ADCY9: variants seen among roughly 807,000 people sequenced by gnomAD.
The protein encoded by ADCY9 is adenylate cyclase 9.
A neutral mutation model predicts 101.5 loss-of-function variants in ADCY9; 50 were observed. The ratio of observed to expected loss-of-function variants is 0.49; its 90% CI spans 0.39 to 0.62. The LOEUF (loss-of-function observed/expected upper bound fraction) is 0.62. ADCY9 is among the 20% of genes least tolerant of loss of function. ADCY9 has a pLI of 0.00. For synonymous variants in ADCY9, 905 were observed against 769.3 expected (o/e 1.18, Z -2.92); for missense variants, 1,662 against 1,800.4 (o/e 0.92, Z 1.39).
At chr16:4,014,939 CTTTTTT>C (rs578260761) in intron 2 of ADCY9, among the ~76,000 whole-genome samples, 7 of 93,240 alleles carry the variant, frequency 7.5e-5, no homozygotes, top group Non-Finnish European at 1.3e-4. Flanking sequence ...CTGTTTTGGC[CTTTTTT>C]TTTTTTTTTT....
chr16:4,110,720 G>A, intron 2 of ADCY9, among the ~76,000 whole-genome samples: 1 of 152,158 alleles, frequency 6.6e-6, no homozygotes. Flanking sequence ...ATTTCCTGTA[G>A]AGTAAAGGTA....
At chr16:3,997,351 G>A (rs1454423708) in intron 3 of ADCY9, among the ~76,000 whole-genome samples, 1 of 152,234 alleles carries the variant, frequency 6.6e-6, no homozygotes, top group Non-Finnish European at 1.5e-5. Context: ...TCCCTCAGAG[G>A]GGCTGGAAGG....
chr16:4,078,812 C>G (rs1421069090), intron 2 of ADCY9, among the ~76,000 whole-genome samples: 1 of 152,056 alleles, frequency 6.6e-6, no homozygotes, highest in African/African-American at 2.4e-5. Flanking sequence ...ATTTAAGATA[C>G]TTACATAAAT....
chr16:4,088,248 A>G (rs2141186509), intron 2 of ADCY9, among the ~76,000 whole-genome samples: 2 of 151,982 alleles, frequency 1.3e-5, no homozygotes, highest in Middle Eastern at 6.8e-3. Context: ...CACAACTCCT[A>G]AACTCACACA....
intron 8 of ADCY9, among the ~76,000 whole-genome samples, 179 bp from the exon 9 acceptor site, chr16:3,977,809 C>T (rs1043357419): frequency 1.3e-5 from 2 of 152,132 alleles, no homozygotes; most frequent in African/African-American, 2.4e-5. Flanking sequence ...CTCTGCCTTC[C>T]GGGTTCAAGT....
chr16:4,059,114 G>A (rs1020595716), intron 2 of ADCY9, among the ~76,000 whole-genome samples: 3 of 152,054 alleles, frequency 2.0e-5, no homozygotes, highest in Admixed American at 6.6e-5. Flanking sequence ...GGCCGTGCAC[G>A]ATGGCTCACG....
rs370525499 is a variant in ADCY9 at position 4,106,970 on chromosome 16, T to G, written c.1693+6780A>C. Among the ~76,000 whole-genome samples the G allele has an allele frequency of 1.4e-4, 21 of 152,294 alleles. No homozygotes were observed. In the East Asian group the frequency reaches 3.7e-3, roughly 27 times the overall value. On this transcript the variant is annotated intron_variant, in intron 2 of 10. Coordinates refer to ENST00000294016, the MANE Select transcript of ADCY9 (RefSeq NM_001116.4). ...CCTGAAAAGACAGCCCTCCCTTCCT[T>G]CTTCATCCCATTGGCAATTCAGCAA...
At chr16:3,988,669 G>A (rs1597148222) in intron 6 of ADCY9, among the ~76,000 whole-genome samples, 1 of 135,240 alleles carries the variant, frequency 7.4e-6, no homozygotes, top group African/African-American at 2.7e-5. Context: ...TCCTTCCAGG[G>A]CAGGTTGGGG....
chr16:4,075,974 C>T (rs2056864650), intron 2 of ADCY9, among the ~76,000 whole-genome samples: 1 of 152,110 alleles, frequency 6.6e-6, no homozygotes, highest in Non-Finnish European at 1.5e-5. Context: ...CTTTAAGTGA[C>T]AGATATCTAG....
At position 4,007,563 on chromosome 16, in the gene ADCY9, G is replaced by GAT. The variant is rs750862155; in HGVS notation, c.1694-7_1694-6dup. On this transcript the variant is annotated splice_polypyrimidine_tract_variant and splice_region_variant and intron_variant, in intron 2 of 10. Transcript: ENST00000294016. ...ATATCAGGTATGTCTTCAAACCTAT[G>GAT]ATGGATAAAAGTTACAGTCAGCACA... is the stretch of plus-strand genomic sequence containing the variant. The GAT allele has an allele frequency of 6.2e-7, 1 of 1,603,284 alleles. No homozygotes were observed. Among genetic ancestry groups the GAT allele is most frequent in the Non-Finnish European group, 8.5e-7 (1 of 1,175,718 alleles).
intron 2 of ADCY9, among the ~76,000 whole-genome samples, chr16:4,108,713 T>TC (rs2057095032): frequency 6.9e-6 from 1 of 145,936 alleles, no homozygotes; most frequent in African/African-American, 2.5e-5. Context: ...ACACTTTTTT[T>TC]TTTTTTTTTG....
At chr16:3,999,941 G>A (rs1296617798) in intron 3 of ADCY9, among the ~76,000 whole-genome samples, 1 of 152,180 alleles carries the variant, frequency 6.6e-6, no homozygotes, top group Non-Finnish European at 1.5e-5. Context: ...TAAGCCAACA[G>A]CTGTCCCTTT....
At chr16:4,099,659 C>A (rs1231257434) in intron 2 of ADCY9, among the ~76,000 whole-genome samples, 4 of 152,112 alleles carry the variant, frequency 2.6e-5, no homozygotes, top group Admixed American at 2.6e-4. Context: ...ATCTGAGCAT[C>A]AAAAATCATG....
At chr16:4,105,508 C>T (rs1460834140) in intron 2 of ADCY9, among the ~76,000 whole-genome samples, 1 of 147,738 alleles carries the variant, frequency 6.8e-6, no homozygotes, top group African/African-American at 2.5e-5. Flanking sequence ...ACCATTTCTA[C>T]TAAAAATACA....
chr16:4,052,705 G>A (rs1459309774), intron 2 of ADCY9, among the ~76,000 whole-genome samples: 3 of 152,118 alleles, frequency 2.0e-5, no homozygotes, highest in Non-Finnish European at 4.4e-5. Flanking sequence ...TCTGTTGTTT[G>A]AAGCCACCTG....
chr16:4,054,286 G>C (rs1474441881), intron 2 of ADCY9: 1 of 152,134 alleles, frequency 6.6e-6, no homozygotes, highest in African/African-American at 2.4e-5. Flanking sequence ...TCAGGGTTCT[G>C]TCGCCCTTCC....
chr16:4,047,495 T>TG (rs1191636038), intron 2 of ADCY9, among the ~76,000 whole-genome samples: 7 of 140,844 alleles, frequency 5.0e-5, no homozygotes, highest in Admixed American at 2.7e-4. Flanking sequence ...CAGTTCTCCC[T>TG]GGGGGGCAAT....
intron 5 of ADCY9, among the ~76,000 whole-genome samples, chr16:3,956,036 A>C (rs2055904632): frequency 6.6e-6 from 1 of 151,896 alleles, no homozygotes; most frequent in African/African-American, 2.4e-5. Context: ...CTAATTTTGA[A>C]AAATTTTTCG....
intron 2 of ADCY9, among the ~76,000 whole-genome samples, chr16:4,091,094 G>C (rs997993651): frequency 1.3e-5 from 2 of 151,250 alleles, no homozygotes; most frequent in Non-Finnish European, 1.5e-5. Flanking sequence ...TATTTTTTGA[G>C]ACAGAGTCTC....
Sources: gnomAD v4.1 joint callset for allele counts (sites outside exome capture counted in the v4.1 genomes callset) on GRCh38, gnomAD v4.1.1 for gene constraint, MANE v1.5 for transcripts, NCBI Gene and HGNC (gene_info 2026-07-23, HGNC 2026-07-21) for gene names.